The following PDE4D variants were observed in gnomAD, a reference collection of about 807,000 sequenced individuals.
PDE4D encodes the protein phosphodiesterase 4D.
A neutral mutation model predicts 87.4 loss-of-function variants in PDE4D; 24 were observed. That is an observed-to-expected ratio of 0.27 (90% CI 0.20 to 0.39). PDE4D has a LOEUF of 0.39. PDE4D is among the 10% of genes least tolerant of loss of function. The pLI is 1.00. For missense variants in PDE4D, 714 were observed against 1,041.0 expected (o/e 0.69, Z 4.32); for synonymous variants, 384 against 383.2 (o/e 1.00, Z -0.02).
Position 60,307,595 on chromosome 5 carries a change from G to A in PDE4D, c.-89-121908C>T, listed in dbSNP as rs116747566. Among the ~76,000 whole-genome samples, 536 of 152,048 alleles carry A rather than the reference G, an allele frequency of 3.5e-3. 4 individuals are homozygous for A. The highest frequency in any genetic ancestry group is 0.011 in the African/African-American group (461 of 41,470). On this transcript the variant is annotated intron_variant, in intron 1 of 16. Transcript: ENST00000502484. ...GAAAGTGAAATGGCCCATAGAACAC[G>A]CCAATGGAACTGTGAAATTGCCTCA... is the stretch of plus-strand genomic sequence containing the variant.
intron 1 of PDE4D, among the ~76,000 whole-genome samples, chr5:59,564,190 T>G (rs1276496682): frequency 6.6e-6 from 1 of 152,148 alleles, no homozygotes; most frequent in African/African-American, 2.4e-5. Context: ...CAAGCAAAAT[T>G]AGTTATAAGC....
At chr5:59,411,114 G>A (rs933927460) in intron 1 of PDE4D, among the ~76,000 whole-genome samples, 6 of 152,274 alleles carry the variant, frequency 3.9e-5, no homozygotes, top group East Asian at 1.9e-4. Context: ...CCCTTCATAT[G>A]CAGATTTCTC....
chr5:59,058,760 A>C (rs923305430), intron 5 of PDE4D, among the ~76,000 whole-genome samples: 2 of 151,844 alleles, frequency 1.3e-5, no homozygotes, highest in Non-Finnish European at 2.9e-5. Flanking sequence ...GTCTACAAAG[A>C]GACTCTTGGT....
intron 1 of PDE4D, among the ~76,000 whole-genome samples, chr5:60,373,060 T>G (rs1761161528): frequency 1.3e-5 from 2 of 152,150 alleles, no homozygotes; most frequent in African/African-American, 2.4e-5. Context: ...AGTGGAACTG[T>G]GGGTGTTACA....
At chr5:60,343,042 C>T (rs1278610260) in intron 1 of PDE4D, among the ~76,000 whole-genome samples, 1 of 152,114 alleles carries the variant, frequency 6.6e-6, no homozygotes, top group Non-Finnish European at 1.5e-5. Flanking sequence ...TTCAGTTTTG[C>T]AGGACAAAGC....
At chr5:59,203,773 T>C (rs1008684586) in intron 2 of PDE4D, among the ~76,000 whole-genome samples, 4 of 152,118 alleles carry the variant, frequency 2.6e-5, no homozygotes, top group Non-Finnish European at 5.9e-5. Context: ...CTCACACATA[T>C]GTGGAATCTA....
chr5:59,207,244 G>A (rs1437712519), intron 2 of PDE4D, among the ~76,000 whole-genome samples: 1 of 152,086 alleles, frequency 6.6e-6, no homozygotes, highest in African/African-American at 2.4e-5. Flanking sequence ...ATACACTGGA[G>A]CATGGTTTTG....
intron 3 of PDE4D, among the ~76,000 whole-genome samples, chr5:59,929,833 T>C (rs1755695796): frequency 6.6e-6 from 1 of 152,156 alleles, no homozygotes. Context: ...CCAGGGAAAA[T>C]GCTTCCTTTC....
intron 1 of PDE4D, among the ~76,000 whole-genome samples, chr5:59,348,195 T>C (rs1238306525): frequency 1.3e-5 from 2 of 152,152 alleles, no homozygotes; most frequent in African/African-American, 4.8e-5. Flanking sequence ...TTAAACAAAT[T>C]ATATTAAAAA....
intron 1 of PDE4D, among the ~76,000 whole-genome samples, chr5:59,611,620 G>C (rs1163239986): frequency 1.3e-5 from 2 of 152,138 alleles, no homozygotes; most frequent in African/African-American, 4.8e-5. Context: ...CTAGCACAGT[G>C]CCTGGTACAC....
chr5:59,068,695 G>T (rs1191063296), intron 5 of PDE4D, among the ~76,000 whole-genome samples: 1 of 152,128 alleles, frequency 6.6e-6, no homozygotes, highest in Admixed American at 6.6e-5. Flanking sequence ...TAATCAATAG[G>T]TAATGTAGTT....
chr5:59,930,717 G>T (rs1755816456), intron 3 of PDE4D, among the ~76,000 whole-genome samples: 2 of 152,130 alleles, frequency 1.3e-5, no homozygotes, highest in Non-Finnish European at 2.9e-5. Flanking sequence ...GCAGAGTAGG[G>T]GCCCCATTGC....
chr5:59,377,866 GT>G (rs1279396248), intron 1 of PDE4D, among the ~76,000 whole-genome samples: 1 of 152,162 alleles, frequency 6.6e-6, no homozygotes, highest in African/African-American at 2.4e-5. Flanking sequence ...GTAGAAGACA[GT>G]GTGGCAATTC....
intron 2 of PDE4D, among the ~76,000 whole-genome samples, chr5:60,131,517 T>C (rs1779581695): frequency 6.6e-6 from 1 of 152,218 alleles, no homozygotes; most frequent in Admixed American, 6.5e-5. Flanking sequence ...TAAGAGATCT[T>C]GCGTTTATAT....
chr5:59,597,060 C>G lies in PDE4D; in HGVS notation c.455+296108G>C, dbSNP rs16890008. On this transcript the variant is annotated intron_variant, in intron 1 of 14. Coordinates refer to ENST00000340635, the MANE Select transcript of PDE4D (RefSeq NM_001104631.2). ...TTCAGTTTTCCTAATCCAATAGGCC[C>G]TGCTATACTTGTTTCTGTTAATTTC... Among the ~76,000 whole-genome samples the G allele has an allele frequency of 2.1e-3, 317 of 152,210 alleles. 5 individuals are homozygous for G. In the East Asian group the frequency reaches 0.057, roughly 27 times the overall value.
At chr5:59,377,147 G>A (rs1292778835) in intron 1 of PDE4D, among the ~76,000 whole-genome samples, 2 of 152,104 alleles carry the variant, frequency 1.3e-5, no homozygotes, top group Admixed American at 1.3e-4. Context: ...GCCAGGTGTG[G>A]TGGCTCACAC....
Position 59,601,360 on chromosome 5 carries a change from T to C in PDE4D, c.455+291808A>G, listed in dbSNP as rs142836826. 3.5e-3 allele frequency among the ~76,000 whole-genome samples: 536 copies of C among 151,950 alleles called. 7 individuals are homozygous for C. Among genetic ancestry groups the C allele is most frequent in the African/African-American group, 0.012 (510 of 41,472 alleles). On this transcript the variant is annotated intron_variant, in intron 1 of 14. Coordinates refer to ENST00000340635, the MANE Select transcript of PDE4D (RefSeq NM_001104631.2). Reference sequence around the variant, plus strand: ...AATCCTCTTCCCGTGAAGGCAGGCCTCTGTTATTTCAGTGTGCTTGCAACT... The same window carrying C: ...AATCCTCTTCCCGTGAAGGCAGGCCCCTGTTATTTCAGTGTGCTTGCAACT...
At chr5:59,503,870 T>C (rs372813600) in intron 1 of PDE4D, among the ~76,000 whole-genome samples, 1 of 151,846 alleles carries the variant, frequency 6.6e-6, no homozygotes, top group Non-Finnish European at 1.5e-5. Context: ...AACATACATA[T>C]GATTTTAAGC....
intron 5 of PDE4D, among the ~76,000 whole-genome samples, chr5:59,125,691 A>G (rs1045758578): frequency 5.3e-5 from 8 of 152,200 alleles, no homozygotes; most frequent in African/African-American, 1.9e-4. Context: ...ATCTGGACAG[A>G]GAGCAATTCG....
Sources: allele counts gnomAD v4.1 joint callset (sites outside exome capture counted in the v4.1 genomes callset), GRCh38; gene constraint gnomAD v4.1.1; transcripts MANE v1.5; gene names NCBI Gene and HGNC (gene_info 2026-07-23, HGNC 2026-07-21).